The following SUGCT variants were observed in gnomAD, a reference collection of about 807,000 sequenced individuals.
SUGCT encodes the protein succinyl-CoA:glutarate CoA-transferase.
A neutral mutation model predicts 55.0 loss-of-function variants in SUGCT; 41 were observed. The ratio of observed to expected loss-of-function variants is 0.74; its 90% confidence interval spans 0.58 to 0.97. The LOEUF is 0.97. Ranked by LOEUF, SUGCT falls within the 50% of genes least tolerant of loss-of-function variation. The probability of loss-of-function intolerance (pLI) is 0.00; values close to 1 mark genes in which losing one functional copy is unlikely to be tolerated. For synonymous variants in SUGCT, 187 were observed against 200.4 expected (o/e 0.93, Z 0.56); for missense variants, 568 against 547.8 (o/e 1.04, Z -0.37).
At chr7:40,249,348 A>ATATATATATAG (rs1790194414) in intron 7 of SUGCT, among the ~76,000 whole-genome samples, 1 of 69,450 alleles carries the variant, frequency 1.4e-5, no homozygotes, top group African/African-American at 5.5e-5. Context: ...TATATATATA[A>ATATATATATAG]TTATATTATA....
chr7:41,012,745 A>G, the SUGCT span, among the ~76,000 whole-genome samples: 1 of 151,700 alleles, frequency 6.6e-6, no homozygotes, highest in African/African-American at 2.4e-5. Flanking sequence ...AATTACACTA[A>G]TGTTTTATCC....
At chr7:40,193,224 G>A (rs1786026855) in intron 5 of SUGCT, among the ~76,000 whole-genome samples, 1 of 149,322 alleles carries the variant, frequency 6.7e-6, no homozygotes, top group Non-Finnish European at 1.5e-5. Context: ...CCCCGACTCA[G>A]CCTCACAAAG....
intron 6 of SUGCT, among the ~76,000 whole-genome samples, chr7:40,234,636 C>T (rs1296382635): frequency 6.6e-6 from 1 of 151,974 alleles, no homozygotes; most frequent in Non-Finnish European, 1.5e-5. Context: ...TGTGGCCGGG[C>T]GTGGTAGCTC....
At chr7:41,009,208 TAA>T in the SUGCT span, among the ~76,000 whole-genome samples, 10 of 103,292 alleles carry the variant, frequency 9.7e-5, no homozygotes, top group African/African-American at 1.1e-4. Context: ...TGTCTCTCTC[TAA>T]AAAAAAAAAA....
chr7:41,028,564 C>T, the SUGCT span, among the ~76,000 whole-genome samples: 1 of 152,200 alleles, frequency 6.6e-6, no homozygotes, highest in Non-Finnish European at 1.5e-5. Context: ...TAACCTATCA[C>T]TCCAAGGCTA....
intron 12 of SUGCT, among the ~76,000 whole-genome samples, chr7:40,572,819 A>G (rs1584018902): frequency 6.6e-6 from 1 of 152,112 alleles, no homozygotes; most frequent in Non-Finnish European, 1.5e-5. Context: ...ACTTGGGCCT[A>G]TCTCCTTATT....
the SUGCT span, among the ~76,000 whole-genome samples, chr7:40,947,507 T>C: frequency 6.6e-6 from 1 of 151,142 alleles, no homozygotes; most frequent in African/African-American, 2.4e-5. Flanking sequence ...TCTCTTTTTT[T>C]TTTTGTTTGT....
chr7:40,477,747 TA>T (rs1790785135), intron 11 of SUGCT, among the ~76,000 whole-genome samples: 1 of 152,164 alleles, frequency 6.6e-6, no homozygotes, highest in African/African-American at 2.4e-5. Context: ...GGGGACATAT[TA>T]AAAATAGGGT....
At chr7:40,823,565 A>G (rs1164615340) in intron 13 of SUGCT, among the ~76,000 whole-genome samples, 1 of 152,236 alleles carries the variant, frequency 6.6e-6, no homozygotes, top group African/African-American at 2.4e-5. Flanking sequence ...TAACTCTACT[A>G]CACTGCTTAT....
Position 40,860,352 on chromosome 7 carries a change from A to T in SUGCT, c.1190A>T (p.Glu397Val), listed in dbSNP as rs1427479954. The T allele has an allele frequency of 6.2e-7, 1 of 1,613,892 alleles. No individual in the cohort carries two copies. The highest frequency in any genetic ancestry group is 8.5e-7 in the Non-Finnish European group (1 of 1,179,880). Residue 397 changes from glutamate to valine, a missense_variant, in exon 14 of 14, where the codon GAG becomes GTG. By Grantham distance (121) the Glu-to-Val change is moderately radical. Coordinates refer to ENST00000335693, the MANE Select transcript of SUGCT (RefSeq NM_001193313.2). Reference sequence around the variant, plus strand: ...AGATACAGTAAGTTCAAGATGTCAGAGGCCAGGCCGCCCCCGCTGCTCGGG... The same window carrying T: ...AGATACAGTAAGTTCAAGATGTCAGTGGCCAGGCCGCCCCCGCTGCTCGGG... ...AVRYSKFKMSEARPPPLLGQH... is the reference protein window; with the variant it reads ...AVRYSKFKMSVARPPPLLGQH...
chr7:40,839,764 A>G (rs891994077), intron 13 of SUGCT, among the ~76,000 whole-genome samples: 1 of 62,496 alleles, frequency 1.6e-5, no homozygotes, highest in Non-Finnish European at 3.0e-5. Context: ...TGTTTTCTCT[A>G]TTTTTATTTT....
At chr7:40,657,216 G>T (rs564280522) in intron 12 of SUGCT, among the ~76,000 whole-genome samples, 1 of 152,050 alleles carries the variant, frequency 6.6e-6, no homozygotes, top group South Asian at 2.1e-4. Flanking sequence ...AACTGCTATA[G>T]AATTTGTGGA....
the SUGCT span, among the ~76,000 whole-genome samples, chr7:40,922,714 G>T: frequency 6.6e-6 from 1 of 152,232 alleles, no homozygotes. Flanking sequence ...ATTGAAAGGT[G>T]CCCTTGACAG....
intron 7 of SUGCT, among the ~76,000 whole-genome samples, chr7:40,263,464 G>A (rs1445098967): frequency 1.3e-5 from 2 of 152,136 alleles, no homozygotes; most frequent in African/African-American, 4.8e-5. Context: ...AGTGGTATAG[G>A]CAGCAGTTTT....
the SUGCT span, among the ~76,000 whole-genome samples, chr7:40,951,882 C>G: frequency 6.6e-6 from 1 of 152,102 alleles, no homozygotes; most frequent in Non-Finnish European, 1.5e-5. Context: ...ACTATGTGGT[C>G]AATTTTGTAA....
chr7:40,490,142 C>T lies in SUGCT; in HGVS notation c.987-6142C>T, dbSNP rs114529104. On this transcript the variant is annotated intron_variant, in intron 11 of 13. Transcript: ENST00000335693. ...GTCTGGAATCAATCTGAGGAAGACTCAATGAGAGCACCAGCTTTGTGTGGA... is the reference window on the plus strand; with the variant it reads ...GTCTGGAATCAATCTGAGGAAGACTTAATGAGAGCACCAGCTTTGTGTGGA... 5.5e-3 allele frequency among the ~76,000 whole-genome samples: 843 copies of T among 152,320 alleles called. 3 individuals are homozygous for T. Among genetic ancestry groups the T allele is most frequent in the African/African-American group, 0.02 (811 of 41,572 alleles).
At chr7:40,695,072 C>A (rs1009376999) in intron 12 of SUGCT, among the ~76,000 whole-genome samples, 2 of 152,120 alleles carry the variant, frequency 1.3e-5, no homozygotes, top group Non-Finnish European at 2.9e-5. Context: ...GCCATCTGCA[C>A]CCAAATAGCC....
At chr7:40,803,730 C>G (rs937321553) in intron 13 of SUGCT, among the ~76,000 whole-genome samples, 4 of 152,044 alleles carry the variant, frequency 2.6e-5, no homozygotes, top group Admixed American at 2.6e-4. Context: ...CTTTGAGTAA[C>G]CTAAAGAAAT....
chr7:40,946,280 T>G, the SUGCT span, among the ~76,000 whole-genome samples: 34 of 152,168 alleles, frequency 2.2e-4, no homozygotes, highest in Non-Finnish European at 4.9e-4. Flanking sequence ...TCTCAAAAAT[T>G]TCTGTCCTTT....
Sources: allele counts gnomAD v4.1 joint callset (sites outside exome capture counted in the v4.1 genomes callset), GRCh38; gene constraint gnomAD v4.1.1; transcripts MANE v1.5; gene names NCBI Gene and HGNC (gene_info 2026-07-23, HGNC 2026-07-21).